PLCL1: variants seen among roughly 807,000 people sequenced by gnomAD.
The protein encoded by PLCL1 is phospholipase C like 1 (inactive).
PLCL1 carries 41 observed loss-of-function variants against 84.4 expected under a neutral mutation model. The ratio of observed to expected loss-of-function variants is 0.49; its 90% CI spans 0.38 to 0.63. The LOEUF is 0.63. PLCL1 is among the 30% of genes least tolerant of loss of function. PLCL1 has a pLI of 0.00. For synonymous variants in PLCL1, 490 were observed against 488.3 expected, an observed-to-expected ratio of 1.00 and a Z score of -0.05; for missense variants, 1,206 against 1,367.8, an observed-to-expected ratio of 0.88 and a Z score of 1.87.
At chr2:197,873,539 C>T (rs932131797) in intron 1 of PLCL1, among the ~76,000 whole-genome samples, 3 of 152,046 alleles carry the variant, frequency 2.0e-5, no homozygotes, top group African/African-American at 7.2e-5. Context: ...CTTTGCTACC[C>T]CCATCCATCT....
intron 1 of PLCL1, among the ~76,000 whole-genome samples, chr2:197,864,125 A>G (rs938927385): frequency 4.6e-5 from 7 of 152,180 alleles, no homozygotes; most frequent in African/African-American, 1.7e-4. Flanking sequence ...TATGATAATA[A>G]TGCCTGATAA....
intron 1 of PLCL1, among the ~76,000 whole-genome samples, chr2:198,003,630 C>CT (rs535052645): frequency 1.4e-3 from 209 of 152,078 alleles, no homozygotes; most frequent in African/African-American, 4.8e-3. Flanking sequence ...TTCTCAGATA[C>CT]TTTTTTTTGG....
chr2:198,103,201 T>G (rs573252737), intron 4 of PLCL1, among the ~76,000 whole-genome samples: 3 of 152,064 alleles, frequency 2.0e-5, no homozygotes, highest in Non-Finnish European at 4.4e-5. Context: ...GACCATTTCA[T>G]GCATAAACCA....
intron 2 of PLCL1, among the ~76,000 whole-genome samples, chr2:198,086,901 A>G (rs1692898632): frequency 6.6e-6 from 1 of 152,226 alleles, no homozygotes; most frequent in Non-Finnish European, 1.5e-5. Flanking sequence ...CATACTAATT[A>G]CCAGTGTATA....
chr2:197,853,987 G>T (rs1343580717), intron 1 of PLCL1, among the ~76,000 whole-genome samples: 1 of 152,148 alleles, frequency 6.6e-6, no homozygotes, highest in African/African-American at 2.4e-5. Context: ...TGTTCCTAAA[G>T]ACCACCTCAC....
rs545377054 is a variant in PLCL1 at position 197,899,996 on chromosome 2, A to C, written c.240+94657A>C. 2.8e-4 allele frequency among the ~76,000 whole-genome samples: 43 copies of C among 151,962 alleles called. No individual in the cohort carries two copies. In the South Asian group the frequency reaches 8.9e-3, roughly 32 times the overall value. On this transcript the variant is annotated intron_variant, in intron 1 of 5. Transcript: ENST00000428675. ...AGACTTTTGTAAGGTTTGCTACCCCACTCTGCCCTTCACCATGCTACCTAA... is the reference window on the plus strand; with the variant it reads ...AGACTTTTGTAAGGTTTGCTACCCCCCTCTGCCCTTCACCATGCTACCTAA...
chr2:197,822,467 G>A (rs1013105767), intron 1 of PLCL1, among the ~76,000 whole-genome samples: 1 of 152,148 alleles, frequency 6.6e-6, no homozygotes, highest in African/African-American at 2.4e-5. Flanking sequence ...AGGGAGTTAC[G>A]TGGGTGTCTC....
In PLCL1 at chr2:197,905,448, A is replaced by G. The variant is rs754936080; in HGVS notation, c.240+100109A>G. Among the ~76,000 whole-genome samples the G allele has an allele frequency of 6.6e-5, 10 of 152,340 alleles. No individual in the cohort carries two copies. In the Middle Eastern group the frequency reaches 0.02, roughly 311 times the overall value. On this transcript the variant is annotated intron_variant, in intron 1 of 5. Coordinates refer to ENST00000428675, the MANE Select transcript of PLCL1 (RefSeq NM_006226.4). Reference sequence around the variant, plus strand: ...AACTCATTCTTTTTTATGGCTGCATAGTATTCCATGCTGTATATGTGCCAC... The same window carrying G: ...AACTCATTCTTTTTTATGGCTGCATGGTATTCCATGCTGTATATGTGCCAC...
chr2:198,050,531 TA>T (rs11288289), intron 1 of PLCL1, among the ~76,000 whole-genome samples: 42,870 of 151,346 alleles, frequency 0.28, 7,465 homozygotes, highest in Middle Eastern at 0.48. Context: ...TTGAGATTGA[TA>T]AAAAAAAATA....
chr2:197,971,405 A>G (rs1051775176), intron 1 of PLCL1, among the ~76,000 whole-genome samples: 1 of 152,244 alleles, frequency 6.6e-6, no homozygotes, highest in Non-Finnish European at 1.5e-5. Context: ...GGGGAAACAC[A>G]AAGTACCAAA....
intron 1 of PLCL1, among the ~76,000 whole-genome samples, chr2:198,032,509 T>A (rs1691452880): frequency 6.6e-6 from 1 of 152,218 alleles, no homozygotes; most frequent in South Asian, 2.1e-4. Context: ...TGTTACTTTT[T>A]AAATTAAACA....
intron 1 of PLCL1, among the ~76,000 whole-genome samples, chr2:197,983,190 C>CTTTTTTT (rs1445206643): frequency 7.6e-5 from 5 of 66,068 alleles, no homozygotes; most frequent in African/African-American, 2.1e-4. Context: ...TTTTCTTTTT[C>CTTTTTTT]TTTTCTTTTC....
chr2:197,969,171 G>A (rs1297080620), intron 1 of PLCL1, among the ~76,000 whole-genome samples: 1 of 152,184 alleles, frequency 6.6e-6, no homozygotes, highest in Non-Finnish European at 1.5e-5. Context: ...TCCCACTCTG[G>A]TCCATGGAAA....
At chr2:197,826,958 C>T (rs1000355435) in intron 1 of PLCL1, among the ~76,000 whole-genome samples, 6 of 152,094 alleles carry the variant, frequency 3.9e-5, no homozygotes, top group Non-Finnish European at 8.8e-5. Flanking sequence ...TCTTTGTCTC[C>T]TTTTTCCCCT....
intron 1 of PLCL1, among the ~76,000 whole-genome samples, chr2:197,819,884 ATGTGTGTGTGTGTGTG>A (rs57885218): frequency 8.5e-5 from 12 of 140,572 alleles, no homozygotes; most frequent in Non-Finnish European, 1.4e-4. Context: ...ACTATTATGC[ATGTGTGTGTGTGTGTG>A]TGTGTGTGTG....
chr2:197,894,873 G>A lies in PLCL1; in HGVS notation c.240+89534G>A, dbSNP rs553253755. On this transcript the variant is annotated intron_variant, in intron 1 of 5. Coordinates refer to ENST00000428675, the MANE Select transcript of PLCL1 (RefSeq NM_006226.4). ...GTCCCTCCTTTTCCAAGTGAGGATA[G>A]GGGATTCATGACATGGCACATGGCT... 3.9e-5 allele frequency among the ~76,000 whole-genome samples: 6 copies of A among 152,064 alleles called. No homozygotes were observed. In the South Asian group the frequency reaches 1.2e-3, roughly 31 times the overall value.
chr2:197,928,584 G>A (rs751506548), intron 1 of PLCL1, among the ~76,000 whole-genome samples: 32 of 151,992 alleles, frequency 2.1e-4, no homozygotes, highest in Non-Finnish European at 3.8e-4. Context: ...CACTGTTAGG[G>A]GACTCTCTTT....
chr2:198,094,729 A>G (rs1054260206), intron 3 of PLCL1, among the ~76,000 whole-genome samples: 39 of 152,228 alleles, frequency 2.6e-4, no homozygotes, highest in Non-Finnish European at 5.0e-4. Flanking sequence ...AACCTGGGAG[A>G]AGCGAGAGAT....
At chr2:198,006,589 T>C (rs1199387456) in intron 1 of PLCL1, among the ~76,000 whole-genome samples, 3 of 152,216 alleles carry the variant, frequency 2.0e-5, no homozygotes, top group Non-Finnish European at 4.4e-5. Flanking sequence ...GCCACATATA[T>C]TTTTAGAATC....
Sources: gnomAD v4.1 joint callset for allele counts (sites outside exome capture counted in the v4.1 genomes callset) on GRCh38, gnomAD v4.1.1 for gene constraint, MANE v1.5 for transcripts, NCBI Gene and HGNC (gene_info 2026-07-23, HGNC 2026-07-21) for gene names.